Variants in PSMG2 observed in about 807,000 individuals in gnomAD.
PSMG2 encodes proteasome assembly chaperone 2, also known as CD40 ligand-activated specific transcript 3.
Under a neutral mutation model 31.5 loss-of-function variants are expected in PSMG2, and 21 were observed. That is an observed-to-expected ratio of 0.67 (90% CI 0.47 to 0.96). The LOEUF is 0.96. Ranked by LOEUF, PSMG2 falls within the 40% of genes least tolerant of loss-of-function variation. PSMG2 has a pLI of 0.00. For missense variants in PSMG2, 318 were observed against 321.2 expected (o/e 0.99, Z 0.08); for synonymous variants, 120 against 110.4 (o/e 1.09, Z -0.54).
In PSMG2 at chr18:12,725,684, T is replaced by C; in HGVS notation, c.*153T>C. ...AGATTAAGGGTCTCTTTGCCATGCT[T>C]TTCATCATATGCACCAAATGTAAAT... On this transcript the variant is annotated 3_prime_UTR_variant, in exon 7 of 7. Transcript: ENST00000317615. 2.1e-6 allele frequency: 1 copy of C among 472,518 alleles called. No individual in the cohort carries two copies. Among genetic ancestry groups the C allele is most frequent in the South Asian group, 4.8e-5 (1 of 20,778 alleles). 29.3% of individuals were successfully genotyped at this position (472,518 alleles called of 1,614,324 possible).
At chr18:12,658,810 C>G (rs759766985) in intron 1 of PSMG2, 8 of 314,668 alleles carry the variant, frequency 2.5e-5, no homozygotes, top group African/African-American at 4.4e-5. Context: ...TACGGGTTTT[C>G]CTCACTGACT....
At chr18:12,714,922 C>T (rs1204533544) in intron 3 of PSMG2, among the ~76,000 whole-genome samples, 1 of 151,612 alleles carries the variant, frequency 6.6e-6, no homozygotes, top group Middle Eastern at 3.2e-3. Flanking sequence ...CCAGGCTGGT[C>T]TCAAACTCCT....
chr18:12,699,744 G>C (rs2040086621), upstream of PSMG2: 1 of 739,168 alleles, frequency 1.4e-6, no homozygotes. Flanking sequence ...GGAAAAAATG[G>C]AAATGTCTTC....
intron 1 of PSMG2, among the ~76,000 whole-genome samples, chr18:12,667,821 C>T (rs1041061826): frequency 1.5e-5 from 2 of 135,270 alleles, no homozygotes; most frequent in African/African-American, 5.5e-5. Context: ...CAGAAGAAAG[C>T]AATAGACCTG....
At chr18:12,681,188 ACT>A (rs1345090897) in intron 1 of PSMG2, among the ~76,000 whole-genome samples, 3 of 145,246 alleles carry the variant, frequency 2.1e-5, no homozygotes, top group African/African-American at 5.1e-5. Flanking sequence ...ACAGAGTAAG[ACT>A]CTGTTTCCAA....
chr18:12,668,012 C>G (rs2038840009), intron 1 of PSMG2, among the ~76,000 whole-genome samples: 1 of 151,978 alleles, frequency 6.6e-6, no homozygotes, highest in South Asian at 2.1e-4. Context: ...CGCCTGTAAT[C>G]CCAGCACTTT....
chr18:12,699,115 T>C, upstream of PSMG2: 1 of 1,614,092 alleles, frequency 6.2e-7, no homozygotes, highest in Non-Finnish European at 8.5e-7. Flanking sequence ...CTTGTCCAGG[T>C]AAAGGCTCAG....
chr18:12,699,247 T>A, upstream of PSMG2: 1 of 1,294,960 alleles, frequency 7.7e-7, no homozygotes, highest in Non-Finnish European at 1.1e-6. Context: ...CCAAATAACT[T>A]AAAAGAATGT....
intron 1 of PSMG2, among the ~76,000 whole-genome samples, chr18:12,662,553 A>C (rs1168575274): frequency 1.3e-5 from 2 of 152,244 alleles, no homozygotes; most frequent in African/African-American, 4.8e-5. Flanking sequence ...AGGCAGGAGC[A>C]TCATTTGAGC....
intron 3 of PSMG2, among the ~76,000 whole-genome samples, chr18:12,713,585 G>A (rs897985558): frequency 2.0e-5 from 3 of 152,128 alleles, no homozygotes; most frequent in East Asian, 1.9e-4. Flanking sequence ...TCAGGGGAAT[G>A]AGTATGAAAC....
At position 12,664,698 on chromosome 18, in the gene PSMG2, C is replaced by T. The variant is rs992532757; in HGVS notation, c.-37+5925C>T. ...CTGTGCCTGGCTAATTTGTCCTGAT[C>T]TTTTTTTTTTTTTTTTTTAAGACGG... On this transcript the variant is annotated intron_variant, in intron 1 of 6. Coordinates refer to the PSMG2 transcript ENST00000585331. Among the ~76,000 whole-genome samples, 472 of 137,604 alleles carry T rather than the reference C, an allele frequency of 3.4e-3. 1 individual carries two copies. Among genetic ancestry groups the T allele is most frequent in the African/African-American group, 0.012 (441 of 37,494 alleles). The allele number at this position is 137,604 out of a possible 152,430, so 90.3% of individuals were successfully genotyped here.
At chr18:12,703,415 G>T (rs993784733) in intron 1 of PSMG2, among the ~76,000 whole-genome samples, 1 of 152,184 alleles carries the variant, frequency 6.6e-6, no homozygotes. Flanking sequence ...TGATGTGTTC[G>T]TACGTTCTAG....
At chr18:12,721,295 G>A (rs1052534959) in intron 5 of PSMG2, among the ~76,000 whole-genome samples, 1 of 152,178 alleles carries the variant, frequency 6.6e-6, no homozygotes. Flanking sequence ...CATATTTAAT[G>A]CTTTTATTTT....
rs2040422596 is a variant in PSMG2 at position 12,720,672 on chromosome 18, C to CT, written c.571dup (p.Tyr191LeufsTer2). ...CGGGAGGAGGTATCACAAAAACACTCTATGATGAAAGGTGAGTTTGTTTGC... is the reference window on the plus strand; with the variant it reads ...CGGGAGGAGGTATCACAAAAACACTCTTATGATGAAAGGTGAGTTTGTTTGC... On this transcript the variant is annotated frameshift_variant, in exon 5 of 7. Transcript: ENST00000317615. LOFTEE classifies it high-confidence loss of function. 1 of 1,607,436 alleles carries CT rather than the reference C, an allele frequency of 6.2e-7. No homozygotes were observed. Among genetic ancestry groups the CT allele is most frequent in the African/African-American group, 1.3e-5 (1 of 74,362 alleles).
chr18:12,702,489 G>A (rs2040194362), upstream of PSMG2: 3 of 1,607,970 alleles, frequency 1.9e-6, no homozygotes, highest in Non-Finnish European at 2.5e-6. Flanking sequence ...CTCTCACCTT[G>A]CTCAGCTGCT....
chr18:12,667,004 A>G (rs2038817340), intron 1 of PSMG2, among the ~76,000 whole-genome samples: 1 of 152,176 alleles, frequency 6.6e-6, no homozygotes. Context: ...ATTCTGATAA[A>G]TTAAGATGTA....
At chr18:12,684,657 T>G (rs1163447998) in intron 1 of PSMG2, 2 of 151,806 alleles carry the variant, frequency 1.3e-5, no homozygotes, top group African/African-American at 2.4e-5. Context: ...ATTTTTGTAT[T>G]TTTTCAGTAG....
intron 1 of PSMG2, 130 bp from the exon 2 acceptor site, chr18:12,706,420 G>A (rs2040268869): frequency 1.1e-6 from 1 of 882,076 alleles, no homozygotes; most frequent in African/African-American, 1.7e-5. Flanking sequence ...CCAGGAGGCA[G>A]AGGCTGCAGT....
chr18:12,678,631 T>C (rs1298422929), intron 1 of PSMG2, among the ~76,000 whole-genome samples: 5 of 152,120 alleles, frequency 3.3e-5, no homozygotes, highest in Non-Finnish European at 5.9e-5. Context: ...CTTTACAATA[T>C]TGAAACCAAC....
Sources: gnomAD v4.1 joint callset for allele counts (sites outside exome capture counted in the v4.1 genomes callset) on GRCh38, gnomAD v4.1.1 for gene constraint, MANE v1.5 for transcripts, NCBI Gene and HGNC (gene_info 2026-07-23, HGNC 2026-07-21) for gene names.